MGST2: variants seen among roughly 807,000 people sequenced by gnomAD.
MGST2 encodes glutathione peroxidase MGST2.
A neutral mutation model predicts 16.6 loss-of-function variants in MGST2; 9 were observed. The ratio of observed to expected loss-of-function variants is 0.54; its 90% CI spans 0.33 to 0.95. The LOEUF (loss-of-function observed/expected upper bound fraction) is 0.95. Ranked by LOEUF, MGST2 falls within the 40% of genes least tolerant of loss-of-function variation. The probability of loss-of-function intolerance (pLI) is 0.03; values close to 1 mark genes in which losing one functional copy is unlikely to be tolerated. For synonymous variants in MGST2, 79 were observed against 68.0 expected, an observed-to-expected ratio of 1.16 and a Z score of -0.79; for missense variants, 159 against 175.1, an observed-to-expected ratio of 0.91 and a Z score of 0.52.
the MGST2 span, among the ~76,000 whole-genome samples, chr4:139,746,949 C>T: frequency 2.0e-5 from 3 of 152,070 alleles, no homozygotes; most frequent in African/African-American, 7.2e-5. Flanking sequence ...GTCGGGGGTT[C>T]ATCTTAAGAA....
chr4:139,719,590 G>C (rs1399082329), intron 5 of MGST2: 9 of 1,613,108 alleles, frequency 5.6e-6, no homozygotes, highest in Admixed American at 1.7e-5. Context: ...CCTGGCTCAG[G>C]CCAGACATGA....
At chr4:139,675,191 G>C (rs571795778) in intron 1 of MGST2, among the ~76,000 whole-genome samples, 1 of 152,300 alleles carries the variant, frequency 6.6e-6, no homozygotes, top group Non-Finnish European at 1.5e-5. Flanking sequence ...CTCGCTTAGC[G>C]GGACTGAAGG....
chr4:139,739,706 T>C (rs1019310235), intron 5 of MGST2, among the ~76,000 whole-genome samples: 1 of 123,714 alleles, frequency 8.1e-6, no homozygotes, highest in Non-Finnish European at 1.7e-5. Context: ...TTTTATGTCC[T>C]CAGGTGTTAA....
chr4:139,676,623 A>G lies in MGST2; in HGVS notation c.59-1920A>G, dbSNP rs79349336. ...GCTTTACTCCAAGTCAATTGATTTC[A>G]ATATTAATCACATCTAAAAAAACAC... is the stretch of plus-strand genomic sequence containing the variant. On this transcript the variant is annotated intron_variant, in intron 1 of 4. Coordinates refer to ENST00000265498, the MANE Select transcript of MGST2 (RefSeq NM_002413.5). Among the ~76,000 whole-genome samples, 282 of 152,318 alleles carry G rather than the reference A, an allele frequency of 1.9e-3. 2 individuals carry two copies. Among genetic ancestry groups the G allele is most frequent in the African/African-American group, 6.4e-3 (267 of 41,568 alleles).
chr4:139,668,062 T>C (rs1730466778), intron 1 of MGST2, among the ~76,000 whole-genome samples: 1 of 152,294 alleles, frequency 6.6e-6, no homozygotes, highest in South Asian at 2.1e-4. Context: ...AAGATGTACA[T>C]TAGTTTGGTC....
chr4:139,676,684 C>A (rs1438726989), intron 1 of MGST2, among the ~76,000 whole-genome samples: 1 of 152,214 alleles, frequency 6.6e-6, no homozygotes, highest in Non-Finnish European at 1.5e-5. Context: ...TTTGACCAAA[C>A]AACTAGGCAC....
intron 5 of MGST2, among the ~76,000 whole-genome samples, chr4:139,721,789 T>G (rs916615349): frequency 5.9e-5 from 9 of 152,192 alleles, no homozygotes; most frequent in African/African-American, 2.2e-4. Context: ...CTTCATTATA[T>G]CTAAGTGATT....
intron 5 of MGST2, among the ~76,000 whole-genome samples, chr4:139,728,817 G>T (rs1477208852): frequency 6.6e-6 from 1 of 152,164 alleles, no homozygotes; most frequent in Non-Finnish European, 1.5e-5. Context: ...GGTCGGGCTG[G>T]CCTCACCGTG....
At position 139,666,089 on chromosome 4, in the gene MGST2, G is replaced by T; in HGVS notation, c.58+12G>T. 1.9e-6 allele frequency: 3 copies of T among 1,598,600 alleles called. No homozygotes were observed. Among genetic ancestry groups the T allele is most frequent in the Non-Finnish European group, 2.6e-6 (3 of 1,174,826 alleles). On this transcript the variant is annotated intron_variant, in intron 1 of 4. Coordinates refer to ENST00000265498, the MANE Select transcript of MGST2 (RefSeq NM_002413.5). ...GGCCTGTCAGCAAAGTAAGAGGCAT[G>T]GGAAGTTCGTGTGTGTGCGCGTGTG...
chr4:139,693,601 T>C (rs558416103), intron 2 of MGST2, among the ~76,000 whole-genome samples: 2 of 152,248 alleles, frequency 1.3e-5, no homozygotes, highest in East Asian at 3.9e-4. Flanking sequence ...TCACTCAACC[T>C]ATCATAGCCA....
At chr4:139,677,261 A>G (rs1458147703) in intron 1 of MGST2, among the ~76,000 whole-genome samples, 2 of 152,234 alleles carry the variant, frequency 1.3e-5, no homozygotes, top group African/African-American at 4.8e-5. Context: ...ACATAGCCTC[A>G]GGAGGTCCTG....
chr4:139,667,080 A>G (rs1383450984), intron 1 of MGST2, among the ~76,000 whole-genome samples: 1 of 152,168 alleles, frequency 6.6e-6, no homozygotes, highest in African/African-American at 2.4e-5. Context: ...GACAAATTAC[A>G]TTTAACTGAG....
At position 139,703,439 on chromosome 4, in the gene MGST2, T is replaced by TC. The variant is rs1727381905; in HGVS notation, c.230-13dup. 14 of 1,610,868 alleles carry TC rather than the reference T, an allele frequency of 8.7e-6. No homozygotes were observed. Among genetic ancestry groups the TC allele is most frequent in the African/African-American group, 1.3e-5 (1 of 74,842 alleles). The stretch of plus-strand genomic sequence containing the variant: ...GTATTTTGTGCCTTTTCTTTTTTTT[T>TC]CCCACCCCCCTATAGTTTTTGCTAC... On this transcript the variant is annotated splice_polypyrimidine_tract_variant and intron_variant, in intron 3 of 4. Transcript: ENST00000265498.
At chr4:139,698,521 T>C in intron 3 of MGST2, 3 of 1,133,042 alleles carry the variant, frequency 2.6e-6, no homozygotes, top group Non-Finnish European at 4.0e-6. Context: ...TTACCACCGG[T>C]CGATTTGCGG....
At chr4:139,696,956 T>C (rs1453108276) in intron 3 of MGST2, among the ~76,000 whole-genome samples, 1 of 152,074 alleles carries the variant, frequency 6.6e-6, no homozygotes, top group Non-Finnish European at 1.5e-5. Flanking sequence ...AGACTACTTT[T>C]ATGCCTTCCA....
chr4:139,733,675 G>C (rs745692995), intron 5 of MGST2, among the ~76,000 whole-genome samples: 1 of 152,000 alleles, frequency 6.6e-6, no homozygotes, highest in Non-Finnish European at 1.5e-5. Flanking sequence ...AGGAAGGGCT[G>C]TATGTATTAT....
At chr4:139,698,252 C>G (rs1422434231) in intron 3 of MGST2, 4 of 1,146,986 alleles carry the variant, frequency 3.5e-6, no homozygotes, top group Non-Finnish European at 2.6e-6. Flanking sequence ...AAAGGCCAAC[C>G]AGATAGGCCT....
intron 5 of MGST2, among the ~76,000 whole-genome samples, chr4:139,711,562 TG>T (rs1433365141): frequency 6.6e-6 from 1 of 152,062 alleles, no homozygotes; most frequent in Non-Finnish European, 1.5e-5. Flanking sequence ...CTGGTGGGAG[TG>T]TAGCAGAGAG....
At chr4:139,667,892 TTTGTAAAA>T (rs1730455833) in intron 1 of MGST2, among the ~76,000 whole-genome samples, 1 of 152,056 alleles carries the variant, frequency 6.6e-6, no homozygotes, top group Non-Finnish European at 1.5e-5. Context: ...AGAGTTGAAC[TTTGTAAAA>T]TAATTGAAAA....
Sources: gnomAD v4.1 joint callset for allele counts (sites outside exome capture counted in the v4.1 genomes callset) on GRCh38, gnomAD v4.1.1 for gene constraint, MANE v1.5 for transcripts, NCBI Gene and HGNC (gene_info 2026-07-23, HGNC 2026-07-21) for gene names.